Variants in UBR3 observed in about 807,000 individuals in gnomAD.
The protein encoded by UBR3 is ubiquitin protein ligase E3 component n-recognin 3.
UBR3 carries 85 observed loss-of-function variants against 243.2 expected under a neutral mutation model. The ratio of observed to expected loss-of-function variants is 0.35; its 90% confidence interval spans 0.29 to 0.42. The LOEUF (loss-of-function observed/expected upper bound fraction) is 0.42. UBR3 is among the 10% of genes least tolerant of loss of function. The pLI, the probability that UBR3 is intolerant of heterozygous loss-of-function variation, is 1.00. For synonymous variants in UBR3, 748 were observed against 799.8 expected (o/e 0.94, Z 1.09); for missense variants, 1,686 against 2,300.8 (o/e 0.73, Z 5.47).
chr2:170,051,979 A>G (rs1055886715), intron 32 of UBR3, among the ~76,000 whole-genome samples: 8 of 151,920 alleles, frequency 5.3e-5, no homozygotes, highest in African/African-American at 1.7e-4. Flanking sequence ...AACTATACCT[A>G]TTATCTGATG....
At chr2:169,898,827 G>A (rs2084697127) in intron 8 of UBR3, among the ~76,000 whole-genome samples, 2 of 150,836 alleles carry the variant, frequency 1.3e-5, no homozygotes, top group South Asian at 2.1e-4. Context: ...TCAGCCTCCC[G>A]AGTAGCTGGG....
intron 31 of UBR3, among the ~76,000 whole-genome samples, chr2:170,030,777 A>C (rs1488357702): frequency 6.6e-6 from 1 of 152,084 alleles, no homozygotes; most frequent in Non-Finnish European, 1.5e-5. Context: ...TCAATATTTA[A>C]AGACTGCTTT....
At chr2:169,899,811 C>T (rs2084745014) in intron 8 of UBR3, among the ~76,000 whole-genome samples, 1 of 152,120 alleles carries the variant, frequency 6.6e-6, no homozygotes, top group African/African-American at 2.4e-5. Context: ...TCATCCATGT[C>T]CTGCAAAGGA....
At chr2:170,030,480 T>C (rs1405142843) in intron 31 of UBR3, among the ~76,000 whole-genome samples, 2 of 152,156 alleles carry the variant, frequency 1.3e-5, no homozygotes, top group Non-Finnish European at 1.5e-5. Context: ...CAACATAAGA[T>C]TGCACAGTTT....
intron 31 of UBR3, among the ~76,000 whole-genome samples, chr2:170,035,248 A>G (rs992605645): frequency 2.0e-5 from 3 of 151,986 alleles, no homozygotes; most frequent in African/African-American, 7.2e-5. Flanking sequence ...AGTCATTGCC[A>G]TACCCAAGGT....
At chr2:169,983,248 TCTC>T (rs1475749257) in intron 24 of UBR3, among the ~76,000 whole-genome samples, 13 of 134,792 alleles carry the variant, frequency 9.6e-5, no homozygotes, top group African/African-American at 3.3e-4. Flanking sequence ...CCACATTCTC[TCTC>T]CTTTTTTTTT....
At position 169,906,091 on chromosome 2, in the gene UBR3, A is replaced by G. The variant is rs950441374; in HGVS notation, c.1706A>G (p.Tyr569Cys). The stretch of plus-strand genomic sequence containing the variant: ...GTGGAATTTGAGTCTCAGACCTACT[A>G]TGCTGCCTTTGCTGCTGAACTTGAG... ...EHVEFESQTY[Y>C]AAFAAELEAC... Residue 569 changes from tyrosine to cysteine, a missense_variant, in exon 10 of 39, where the codon TAT (tyrosine) becomes TGT (cysteine). Tyr to Cys is a radical substitution (Grantham distance 194, BLOSUM62 -2). Around this residue, in one of 8 missense-constraint regions of UBR3, gnomAD observed 346 missense variants for 585.8 expected, o/e 0.59. Coordinates refer to ENST00000272793, the MANE Select transcript of UBR3 (RefSeq NM_172070.4). The G allele has an allele frequency of 2.6e-6, 4 of 1,551,716 alleles. No individual in the cohort carries two copies. Among genetic ancestry groups the G allele is most frequent in the Non-Finnish European group, 2.6e-6 (3 of 1,146,966 alleles).
intron 1 of UBR3, among the ~76,000 whole-genome samples, chr2:169,852,688 C>CAA (rs34608160): frequency 3.0e-3 from 298 of 99,364 alleles, no homozygotes; most frequent in African/African-American, 9.7e-3. Flanking sequence ...ACTAAAAATA[C>CAA]AAAAAAAAAA....
At chr2:169,903,354 T>TA (rs777849161) in intron 8 of UBR3, among the ~76,000 whole-genome samples, 99 of 151,994 alleles carry the variant, frequency 6.5e-4, no homozygotes, top group Non-Finnish European at 1.2e-3. Flanking sequence ...ATTTTTAACT[T>TA]AAAAAAAATC....
chr2:169,936,168 A>G (rs749673327), intron 19 of UBR3, among the ~76,000 whole-genome samples: 28 of 152,116 alleles, frequency 1.8e-4, no homozygotes, highest in South Asian at 4.2e-4. Context: ...CAAGCGATAC[A>G]TCCGCCTCAG....
rs114478313 is a variant in UBR3 at position 170,053,980 on chromosome 2, T to C, written c.4661-1480T>C. On this transcript the variant is annotated intron_variant, in intron 32 of 38. Transcript: ENST00000272793. ...CTGTTTTGAGGATTGAATGAGACAC[T>C]TGAAGAAAATTGCTAAGTTATTAGG... is the stretch of plus-strand genomic sequence containing the variant. Among the ~76,000 whole-genome samples the C allele has an allele frequency of 4.1e-3, 620 of 152,318 alleles. 5 individuals are homozygous for C. Among genetic ancestry groups the C allele is most frequent in the African/African-American group, 0.014 (579 of 41,570 alleles).
intron 18 of UBR3, 123 bp from the exon 19 acceptor site, chr2:169,932,789 A>G (rs1358513750): frequency 3.7e-6 from 3 of 808,640 alleles, no homozygotes; most frequent in Non-Finnish European, 3.8e-6. Flanking sequence ...TAAGGCAAAT[A>G]CTATAATCAG....
rs553468519 is a variant in UBR3 at position 169,918,960 on chromosome 2, T to C, written c.1866+4814T>C. Among the ~76,000 whole-genome samples the C allele has an allele frequency of 2.0e-5, 3 of 152,342 alleles. No homozygotes were observed. In the East Asian group the frequency reaches 5.8e-4, roughly 29 times the overall value. ...TCTGTAAAGTTGTGACCAGGTGCTATGTGGGACCATAAAAGGGAGCACCTG... is the reference window on the plus strand; with the variant it reads ...TCTGTAAAGTTGTGACCAGGTGCTACGTGGGACCATAAAAGGGAGCACCTG... On this transcript the variant is annotated intron_variant, in intron 11 of 38. Transcript: ENST00000272793.
Position 169,906,078 on chromosome 2 carries a change from T to C in UBR3, c.1693T>C (p.Ser565Pro). ...RELNEHVEFE[S>P]QTYYAAFAAE... ...ACTAAACGAGCATGTGGAATTTGAGTCTCAGACCTACTATGCTGCCTTTGC... is the reference window on the plus strand; with the variant it reads ...ACTAAACGAGCATGTGGAATTTGAGCCTCAGACCTACTATGCTGCCTTTGC... The change falls in exon 10 of 39, where the codon TCT becomes CCT. Residue 565 changes from serine (S) to proline (P), a missense_variant. By Grantham distance (74) the Ser-to-Pro change is moderately conservative. Around this residue, in one of 8 missense-constraint regions of UBR3, gnomAD observed 346 missense variants for 585.8 expected, o/e 0.59. Transcript: ENST00000272793. 1.3e-6 allele frequency: 2 copies of C among 1,551,630 alleles called. No homozygotes were observed. The highest frequency in any genetic ancestry group is 1.7e-6 in the Non-Finnish European group (2 of 1,146,928).
chr2:169,836,616 T>C (rs2082121136), intron 1 of UBR3, among the ~76,000 whole-genome samples: 2 of 151,422 alleles, frequency 1.3e-5, no homozygotes, highest in African/African-American at 2.4e-5. Flanking sequence ...CTGTACATCC[T>C]GCACATGTAA....
chr2:170,060,662 A>AT (rs1559226680), intron 33 of UBR3, among the ~76,000 whole-genome samples: 1 of 152,002 alleles, frequency 6.6e-6, no homozygotes, highest in Non-Finnish European at 1.5e-5. Flanking sequence ...TTGGTATTCC[A>AT]TTTTTTAGGT....
At chr2:169,927,778 G>T (rs2085965504) in intron 17 of UBR3, among the ~76,000 whole-genome samples, 1 of 152,096 alleles carries the variant, frequency 6.6e-6, no homozygotes, top group Non-Finnish European at 1.5e-5. Context: ...ACAGTTAAAG[G>T]TATACCTTAC....
intron 10 of UBR3, among the ~76,000 whole-genome samples, chr2:169,909,017 G>C (rs1383146724): frequency 6.6e-6 from 1 of 151,816 alleles, no homozygotes; most frequent in Non-Finnish European, 1.5e-5. Context: ...TAGTAGAAAC[G>C]GGGTTTCACT....
intron 6 of UBR3, among the ~76,000 whole-genome samples, chr2:169,893,266 A>G (rs2084443797): frequency 6.6e-6 from 1 of 152,222 alleles, no homozygotes; most frequent in Non-Finnish European, 1.5e-5. Context: ...TTCCTGGTAT[A>G]TTCAGGTTGT....
Sources: gnomAD v4.1 joint callset for allele counts (sites outside exome capture counted in the v4.1 genomes callset) on GRCh38, gnomAD v4.1.1 for gene constraint, gnomAD v4.1.1 regional missense constraint, MANE v1.5 for transcripts, NCBI Gene and HGNC (gene_info 2026-07-23, HGNC 2026-07-21) for gene names.